Variants in TECTA observed in about 807,000 individuals in gnomAD.
TECTA encodes tectorin alpha, also known as alpha-tectorin.
A neutral mutation model predicts 216.8 loss-of-function variants in TECTA; 128 were observed. The observed-to-expected ratio is 0.59, with a 90% CI of 0.51 to 0.68. The LOEUF is 0.68. Ranked by LOEUF, TECTA falls within the 30% of genes least tolerant of loss-of-function variation. The pLI is 0.00. For missense variants in TECTA, 2,551 were observed against 2,786.2 expected (o/e 0.92, Z 1.90); for synonymous variants, 1,089 against 1,117.1 (o/e 0.97, Z 0.50).
intron 20 of TECTA, among the ~76,000 whole-genome samples, chr11:121,171,543 C>A (rs139428190): frequency 1.3e-5 from 2 of 152,156 alleles, no homozygotes; most frequent in African/African-American, 4.8e-5. Flanking sequence ...AATTTTAATT[C>A]TCCCAATCCA....
intron 20 of TECTA, among the ~76,000 whole-genome samples, chr11:121,185,045 G>A (rs1259141859): frequency 6.6e-6 from 1 of 152,220 alleles, no homozygotes; most frequent in Non-Finnish European, 1.5e-5. Context: ...GTAGCATTTA[G>A]CATTTTAAAA....
intron 20 of TECTA, among the ~76,000 whole-genome samples, chr11:121,181,402 C>G (rs1947227333): frequency 6.6e-6 from 1 of 151,546 alleles, no homozygotes; most frequent in Non-Finnish European, 1.5e-5. Flanking sequence ...TGAATTCTTT[C>G]TCAGGTATTT....
At chr11:121,168,244 T>C in intron 19 of TECTA, 27 bp downstream of exon 19, 1 of 1,614,022 alleles carries the variant, frequency 6.2e-7, no homozygotes, top group Non-Finnish European at 8.5e-7. Context: ...GCTGTGCACA[T>C]TGCTTTTTCT....
intron 12 of TECTA, among the ~76,000 whole-genome samples, chr11:121,152,233 C>A (rs1248331585): frequency 6.6e-6 from 1 of 152,220 alleles, no homozygotes; most frequent in African/African-American, 2.4e-5. Flanking sequence ...GTGCACACAC[C>A]CATGCATGCC....
intron 7 of TECTA, among the ~76,000 whole-genome samples, chr11:121,122,069 A>G (rs1359127632): frequency 3.9e-5 from 6 of 152,094 alleles, no homozygotes; most frequent in Non-Finnish European, 8.8e-5. Flanking sequence ...TTTTCTTTCT[A>G]CTTCTAGCTC....
At chr11:121,131,087 G>T (rs1946670322) in intron 10 of TECTA, among the ~76,000 whole-genome samples, 2 of 151,950 alleles carry the variant, frequency 1.3e-5, no homozygotes, top group African/African-American at 4.8e-5. Context: ...GGTGGCGGGG[G>T]CCTGTGGTCC....
At chr11:121,138,085 G>A (rs374126259) in intron 11 of TECTA, 63 bp downstream of exon 11, 33 of 1,608,402 alleles carry the variant, frequency 2.1e-5, no homozygotes, top group African/African-American at 1.5e-4. Flanking sequence ...GGGTCGGCAA[G>A]CCAGGCTGCA....
chr11:121,168,022 G>A, intron 18 of TECTA, 32 bp from the exon 19 acceptor site: 2 of 1,613,916 alleles, frequency 1.2e-6, no homozygotes, highest in South Asian at 1.1e-5. Context: ...ACTCCCAGAT[G>A]TAACGATTTC....
chr11:121,183,263 C>CG (rs58197307), intron 20 of TECTA, among the ~76,000 whole-genome samples: 1,523 of 152,194 alleles, frequency 0.01, 24 homozygotes, highest in African/African-American at 0.035. Context: ...TATAGTCTGA[C>CG]GGGGGCTGGG....
chr11:121,127,645 CCTCA>C lies in TECTA; in HGVS notation c.1775-103_1775-100del, dbSNP rs1369117193. 7.4e-7 allele frequency: 1 copy of C among 1,357,198 alleles called. No individual in the cohort carries two copies. The highest frequency in any genetic ancestry group is 1.4e-5 in the African/African-American group (1 of 69,936). 84.1% of individuals were successfully genotyped at this position (1,357,198 alleles called of 1,614,324 possible). ...TGTCTTCCCCGAGTGGCCGCTTGACCCTCACTCTAGGAACTAAATGATCCAGGAG... is the reference window on the plus strand; with the variant it reads ...TGTCTTCCCCGAGTGGCCGCTTGACCCTCTAGGAACTAAATGATCCAGGAG... On this transcript the variant is annotated intron_variant, in intron 8 of 23. Coordinates refer to ENST00000392793, the MANE Select transcript of TECTA (RefSeq NM_005422.4). This position sits in a 1 kb window ranked among gnomAD's most constrained non-coding sequence, Gnocchi z 5.0.
Position 121,125,598 on chromosome 11 carries a change from C to G in TECTA, c.1500C>G (p.Asp500Glu), listed in dbSNP as rs369176853. Residue 500 changes from aspartate (D) to glutamate (E), a missense_variant, in exon 8 of 24, where the codon GAC (aspartate) becomes GAG (glutamate). By Grantham distance (45) the Asp-to-Glu change is conservative. Transcript: ENST00000392793. ...TGTACCACGCAGACTGGAAGTGCGACTCCGGCTGCGTCGACAACTGCACCC... is the reference window on the plus strand; with the variant it reads ...TGTACCACGCAGACTGGAAGTGCGAGTCCGGCTGCGTCGACAACTGCACCC... Reference protein sequence around the residue: ...WRVYHADWKCDSGCVDNCTQC... With the variant: ...WRVYHADWKCESGCVDNCTQC... 53 of 1,613,752 alleles carry G rather than the reference C, an allele frequency of 3.3e-5. No homozygotes were observed. Among genetic ancestry groups the G allele is most frequent in the Non-Finnish European group, 4.2e-5 (50 of 1,179,836 alleles).
At chr11:121,135,691 T>C (rs1020972302) in intron 10 of TECTA, among the ~76,000 whole-genome samples, 1 of 152,218 alleles carries the variant, frequency 6.6e-6, no homozygotes, top group Non-Finnish European at 1.5e-5. Flanking sequence ...CTCTGTAATG[T>C]CCTCCGTGTC....
chr11:121,172,083 T>C (rs949957986), intron 20 of TECTA, among the ~76,000 whole-genome samples: 12 of 152,212 alleles, frequency 7.9e-5, no homozygotes, highest in African/African-American at 2.9e-4. Flanking sequence ...CTGTGCCTAA[T>C]TTTTTGAGAA....
rs1384281678 is a variant in TECTA at position 121,105,848 on chromosome 11, A to G, written c.82A>G (p.Met28Val). ...CTTGACAGCTCAGCCCAGGGAGCTC[A>G]TGTATCCATTTTGGCAGAATGACAC... ...VQHQAQPREL[M>V]YPFWQNDTKT... The change falls in exon 3 of 24, where the codon ATG becomes GTG. Residue 28 changes from methionine (M) to valine (V), a missense_variant. Around this residue, in one of 3 missense-constraint regions of TECTA, gnomAD observed 2,375 missense variants for 2,563.9 expected, o/e 0.93. Transcript: ENST00000392793. This position sits in a 1 kb window ranked among gnomAD's most constrained non-coding sequence, Gnocchi z 5.3. The G allele has an allele frequency of 2.5e-6, 4 of 1,614,150 alleles. No homozygotes were observed. The highest frequency in any genetic ancestry group is 3.4e-6 in the Non-Finnish European group (4 of 1,179,986).
intron 3 of TECTA, among the ~76,000 whole-genome samples, chr11:121,107,804 T>C (rs1591435514): frequency 6.6e-6 from 1 of 152,348 alleles, no homozygotes; most frequent in African/African-American, 2.4e-5. Context: ...CCTATTTAAT[T>C]GGTTTACTAA....
chr11:121,152,430 G>T (rs1336582936), intron 12 of TECTA, among the ~76,000 whole-genome samples: 2 of 152,244 alleles, frequency 1.3e-5, no homozygotes, highest in Non-Finnish European at 2.9e-5. Flanking sequence ...ACTCCCACTG[G>T]CACTTGAAGA....
In TECTA at chr11:121,105,394, G is replaced by A. The variant is rs563011690; in HGVS notation, c.65-437G>A. Among the ~76,000 whole-genome samples the A allele has an allele frequency of 6.6e-6, 1 of 152,338 alleles. No homozygotes were observed. Among genetic ancestry groups the A allele is most frequent in the Non-Finnish European group, 1.5e-5 (1 of 68,032 alleles). ...ATCTGGGATTTTCTCCAATTGTGCA[G>A]CAAGAGGGAGGGAACTCCTTTCAGG... On this transcript the variant is annotated intron_variant, in intron 2 of 23. Coordinates refer to ENST00000392793, the MANE Select transcript of TECTA (RefSeq NM_005422.4). This position sits in a 1 kb window ranked among gnomAD's most constrained non-coding sequence, Gnocchi z 5.3.
intron 2 of TECTA, among the ~76,000 whole-genome samples, 161 bp downstream of exon 2, chr11:121,102,890 A>T (rs1946359639): frequency 6.6e-6 from 1 of 152,254 alleles, no homozygotes; most frequent in Non-Finnish European, 1.5e-5. Context: ...AAAATTCATT[A>T]ACTTTAAATG....
At chr11:121,152,843 G>A (rs760250436) in intron 12 of TECTA, 38 bp from the exon 13 acceptor site, 2 of 1,572,328 alleles carry the variant, frequency 1.3e-6, no homozygotes, top group South Asian at 2.3e-5. Flanking sequence ...TCGGTGCCTT[G>A]TGATCGTGCG....
Sources: allele counts gnomAD v4.1 joint callset (sites outside exome capture counted in the v4.1 genomes callset), GRCh38; gene constraint gnomAD v4.1.1; regional missense constraint gnomAD v4.1.1; non-coding constraint Gnocchi (gnomAD v3.1); transcripts MANE v1.5; gene names NCBI Gene and HGNC (gene_info 2026-07-23, HGNC 2026-07-21).